ATP2B3: variants seen among roughly 807,000 people sequenced by gnomAD.
ATP2B3 encodes plasma membrane calcium-transporting ATPase 3.
In ATP2B3, 12 loss-of-function variants were observed where a neutral mutation model predicts 70.8. That is an observed-to-expected ratio of 0.17 (90% confidence interval 0.11 to 0.27). The LOEUF (loss-of-function observed/expected upper bound fraction) is 0.27. Ranked by LOEUF, ATP2B3 falls within the 10% of genes least tolerant of loss-of-function variation. The pLI is 1.00. For missense variants in ATP2B3, 858 were observed against 1,118.5 expected (o/e 0.77, Z 3.32); for synonymous variants, 460 against 497.8 (o/e 0.92, Z 1.01).
intron 2 of ATP2B3, among the ~76,000 whole-genome samples, chrX:153,532,752 C>T (rs782640294): frequency 8.9e-6 from 1 of 112,274 alleles, no homozygotes; most frequent in Non-Finnish European, 1.9e-5. Flanking sequence ...TGCCTACAGA[C>T]CATTCTCGGC....
intron 19 of ATP2B3, among the ~76,000 whole-genome samples, chrX:153,561,389 T>C (rs1037630938): frequency 9.0e-6 from 1 of 111,518 alleles, no homozygotes; most frequent in African/African-American, 3.3e-5. Context: ...TGTAGAAAAA[T>C]TGAGGTATAG....
At chrX:153,546,526 G>C (rs1932966045) in intron 8 of ATP2B3, among the ~76,000 whole-genome samples, 1 of 113,278 alleles carries the variant, frequency 8.8e-6, no homozygotes, top group Non-Finnish European at 1.9e-5. Context: ...TTTCAGCCAA[G>C]CCTGAGGACC....
At chrX:153,571,193 C>T (rs797032190) in intron 21 of ATP2B3, among the ~76,000 whole-genome samples, 1 of 112,322 alleles carries the variant, frequency 8.9e-6, no homozygotes, top group African/African-American at 3.2e-5. Flanking sequence ...CCCAAAGGGG[C>T]CTCGCCGCCA....
intron 21 of ATP2B3, among the ~76,000 whole-genome samples, chrX:153,571,349 C>T (rs913713434): frequency 8.9e-6 from 1 of 112,454 alleles, no homozygotes; most frequent in African/African-American, 3.2e-5. Flanking sequence ...TGACTTCCTC[C>T]GTATGTCTCT....
rs782096035 is a variant in ATP2B3 at position 153,571,828 on chromosome X, GC to G, written c.3342+6728del. Among the ~76,000 whole-genome samples, 292 of 112,683 alleles carry G rather than the reference GC, an allele frequency of 2.6e-3. 1 individual carries two copies. The highest frequency in any genetic ancestry group is 8.5e-3 in the African/African-American group (264 of 31,072). On this transcript the variant is annotated intron_variant, in intron 21 of 21. Coordinates refer to ENST00000263519, the MANE Select transcript of ATP2B3 (RefSeq NM_001001344.3). ...GCTCCAGCAGAAGGTGGGTGGCAGG[GC>G]CCTCTGAAGAGGCCCATCCCAGCTG...
chrX:153,552,830 C>G, intron 12 of ATP2B3, among the ~76,000 whole-genome samples: 1 of 112,453 alleles, frequency 8.9e-6, no homozygotes, highest in Admixed American at 9.3e-5. Flanking sequence ...TGCCAGTCCT[C>G]GCGTTCCTCA....
In ATP2B3 at chrX:153,553,073, G is replaced by A. The variant is rs1569534815; in HGVS notation, c.1862G>A (p.Gly621Asp). Reference protein sequence around the residue: ...NILNSNGELRGFRPRDRDDMV... With the variant: ...NILNSNGELRDFRPRDRDDMV... ...TTGAACAGCAATGGCGAACTCCGGG[G>A]CTTTCGGCCTCGGGACCGGGACGAC... Residue 621 changes from glycine to aspartate, a missense_variant, in exon 13 of 22, where the codon GGC (glycine) becomes GAC (aspartate). Physicochemically the swap from Gly to Asp is moderately conservative, Grantham distance 94 (BLOSUM62 -1). Transcript: ENST00000263519. 8.3e-7 allele frequency: 1 copy of A among 1,208,174 alleles called. No homozygotes were observed. Among genetic ancestry groups the A allele is most frequent in the Admixed American group, 2.2e-5 (1 of 46,016 alleles).
intron 7 of ATP2B3, among the ~76,000 whole-genome samples, chrX:153,545,862 G>A (rs1226849507): frequency 8.9e-6 from 1 of 112,019 alleles, no homozygotes; most frequent in Non-Finnish European, 1.9e-5. Context: ...GTTCACTGTA[G>A]GGCTGAGCTT....
chrX:153,574,161 C>T (rs899759428), intron 21 of ATP2B3, among the ~76,000 whole-genome samples: 1 of 112,734 alleles, frequency 8.9e-6, no homozygotes, highest in Non-Finnish European at 1.9e-5. Flanking sequence ...TCTCATTGCC[C>T]GAGTTGACTG....
rs193165307 is a variant in ATP2B3, at chrX:153,565,306, C to T, written c.3342+203C>T. Among the ~76,000 whole-genome samples the T allele has an allele frequency of 5.5e-3, 628 of 113,359 alleles. 4 individuals carry two copies. The highest frequency in any genetic ancestry group is 0.019 in the African/African-American group (590 of 31,328). Reference sequence around the variant, plus strand: ...CCGCTGATGGCTGTGGCACTGAGATCGCCTCTCCCTGACAGCTCCTTCAGA... The same window carrying T: ...CCGCTGATGGCTGTGGCACTGAGATTGCCTCTCCCTGACAGCTCCTTCAGA... On this transcript the variant is annotated intron_variant, in intron 21 of 21. Transcript: ENST00000263519.
intron 16 of ATP2B3, among the ~76,000 whole-genome samples, 158 bp downstream of exon 16, chrX:153,557,181 G>A (rs1439424864): frequency 4.5e-5 from 5 of 112,334 alleles, no homozygotes; most frequent in South Asian, 3.7e-4. Flanking sequence ...TTGGGCCTGC[G>A]TGGGCTCTGC....
intron 12 of ATP2B3, among the ~76,000 whole-genome samples, 188 bp downstream of exon 12, chrX:153,550,474 C>G (rs896844473): frequency 9.0e-6 from 1 of 111,725 alleles, no homozygotes; most frequent in Admixed American, 9.5e-5. Flanking sequence ...TCCATCAACC[C>G]GGAAAGAAAC....
chrX:153,526,741 G>A (rs1235830797), intron 2 of ATP2B3, among the ~76,000 whole-genome samples: 1 of 111,411 alleles, frequency 9.0e-6, no homozygotes, highest in African/African-American at 3.3e-5. Flanking sequence ...CGGATACTTC[G>A]GTGTGCTCGT....
intron 21 of ATP2B3, among the ~76,000 whole-genome samples, chrX:153,571,497 C>T (rs897269127): frequency 9.0e-6 from 1 of 111,627 alleles, no homozygotes; most frequent in Admixed American, 9.4e-5. Context: ...CACCCCAGGA[C>T]CAGCTCCTTG....
rs782572793 is a variant in ATP2B3, at chrX:153,574,913, C to T, written c.3343-5065C>T. On this transcript the variant is annotated intron_variant, in intron 21 of 21. Transcript: ENST00000263519. The stretch of plus-strand genomic sequence containing the variant: ...GGGCCTTGTCAGTCTGCAGCGTCAC[C>T]CGCCCTGTGTAAGGCTCAGAACTGC... 2.3e-4 allele frequency: 74 copies of T among 325,572 alleles called. No homozygotes were observed. In the Middle Eastern group the frequency reaches 3.1e-3, roughly 14 times the overall value. The allele number at this position is 325,572 out of a possible 1,213,427, so 26.8% of individuals were successfully genotyped here. A position where few individuals can be genotyped will look rare whatever the true frequency, so the allele number is the denominator to read the frequency against.
intron 3 of ATP2B3, among the ~76,000 whole-genome samples, chrX:153,540,201 G>A (rs1362669316): frequency 8.9e-6 from 1 of 112,492 alleles, no homozygotes; most frequent in Admixed American, 9.3e-5. Context: ...TCCACCTCCG[G>A]CCTCAGTGGC....
intron 2 of ATP2B3, among the ~76,000 whole-genome samples, chrX:153,534,994 C>G (rs1175516837): frequency 1.8e-5 from 2 of 112,627 alleles, no homozygotes; most frequent in African/African-American, 6.5e-5. Flanking sequence ...GTTCAGGGCC[C>G]TGCTGAGCTG....
chrX:153,536,601 C>A, intron 3 of ATP2B3, 146 bp downstream of exon 3: 1 of 612,993 alleles, frequency 1.6e-6, no homozygotes, highest in Non-Finnish European at 2.6e-6. Context: ...GGGGGAGATG[C>A]CCTGGGTAAC....
intron 2 of ATP2B3, among the ~76,000 whole-genome samples, chrX:153,533,438 G>T (rs2090146410): frequency 9.0e-6 from 1 of 111,213 alleles, no homozygotes; most frequent in Non-Finnish European, 1.9e-5. Flanking sequence ...GGGCTGTGTG[G>T]CTGGGGTGGG....
Sources: allele counts gnomAD v4.1 joint callset (sites outside exome capture counted in the v4.1 genomes callset), GRCh38; gene constraint gnomAD v4.1.1; transcripts MANE v1.5; gene names NCBI Gene and HGNC (gene_info 2026-07-23, HGNC 2026-07-21).